Variants in ZNF532 observed in about 807,000 individuals in gnomAD.
ZNF532 encodes zinc finger protein 532.
A neutral mutation model predicts 89.3 loss-of-function variants in ZNF532; 22 were observed. That is an observed-to-expected ratio of 0.25 (90% CI 0.18 to 0.35). The LOEUF is 0.35. Ranked by LOEUF, ZNF532 falls within the 10% of genes least tolerant of loss-of-function variation. ZNF532 has a pLI of 1.00. For synonymous variants in ZNF532, 606 were observed against 649.6 expected, an observed-to-expected ratio of 0.93 and a Z score of 1.02; for missense variants, 1,132 against 1,643.4, an observed-to-expected ratio of 0.69 and a Z score of 5.38.
chr18:58,898,579 C>T (rs1329122990), intron 2 of ZNF532, among the ~76,000 whole-genome samples: 1 of 152,224 alleles, frequency 6.6e-6, no homozygotes. Context: ...TGAGCCAGGC[C>T]CCGGAGTCTG....
intron 2 of ZNF532, among the ~76,000 whole-genome samples, chr18:58,875,587 G>A (rs995463781): frequency 6.6e-6 from 1 of 152,128 alleles, no homozygotes; most frequent in Admixed American, 6.5e-5. Context: ...CAGCCACACT[G>A]GGTTGGTGTT....
intron 2 of ZNF532, among the ~76,000 whole-genome samples, chr18:58,914,450 G>A (rs927609840): frequency 1.2e-4 from 18 of 152,230 alleles, no homozygotes; most frequent in Non-Finnish European, 2.9e-5. Context: ...GGGAGGCCGC[G>A]GCGGGCGGAT....
At chr18:58,918,031 C>T (rs181566959) in intron 2 of ZNF532, among the ~76,000 whole-genome samples, 11 of 152,228 alleles carry the variant, frequency 7.2e-5, no homozygotes, top group South Asian at 4.1e-4. Context: ...CTGGGAGCCA[C>T]GCTGGTAACA....
At chr18:58,946,052 T>G (rs986579188) in intron 5 of ZNF532, among the ~76,000 whole-genome samples, 1 of 152,122 alleles carries the variant, frequency 6.6e-6, no homozygotes, top group African/African-American at 2.4e-5. Context: ...TTAAAACAAT[T>G]GTCCTATGCC....
At chr18:58,915,393 A>T (rs576205836) in intron 2 of ZNF532, among the ~76,000 whole-genome samples, 42 of 152,274 alleles carry the variant, frequency 2.8e-4, no homozygotes, top group Non-Finnish European at 3.2e-4. Flanking sequence ...GGACTCCCCC[A>T]CGTCCCCCAT....
chr18:58,906,861 T>G (rs2059964636), intron 2 of ZNF532, among the ~76,000 whole-genome samples: 2 of 152,230 alleles, frequency 1.3e-5, no homozygotes, highest in Admixed American at 1.3e-4. Flanking sequence ...ATTGATAGTG[T>G]TTTTGGACTG....
At chr18:58,887,296 A>G (rs915786292) in intron 2 of ZNF532, among the ~76,000 whole-genome samples, 7 of 152,198 alleles carry the variant, frequency 4.6e-5, no homozygotes, top group African/African-American at 1.7e-4. Flanking sequence ...TGCTAACCTG[A>G]GGGCAGTCTT....
intron 2 of ZNF532, among the ~76,000 whole-genome samples, chr18:58,872,635 G>A (rs1301670277): frequency 1.3e-5 from 2 of 151,830 alleles, no homozygotes; most frequent in African/African-American, 4.8e-5. Context: ...CTGGAACCCA[G>A]CACTATAGTC....
chr18:58,910,349 G>A (rs1317435198), intron 2 of ZNF532, among the ~76,000 whole-genome samples: 3 of 152,166 alleles, frequency 2.0e-5, no homozygotes, highest in African/African-American at 7.2e-5. Flanking sequence ...ACCCTTCAGT[G>A]TAGTCATGTT....
intron 2 of ZNF532, among the ~76,000 whole-genome samples, chr18:58,894,037 G>A (rs1186576916): frequency 2.0e-5 from 3 of 152,310 alleles, no homozygotes; most frequent in Admixed American, 6.5e-5. Flanking sequence ...AGATGTGTCT[G>A]GCATCATTTC....
At chr18:58,978,062 G>A (rs563220213) in intron 7 of ZNF532, among the ~76,000 whole-genome samples, 3 of 152,164 alleles carry the variant, frequency 2.0e-5, no homozygotes, top group Non-Finnish European at 2.9e-5. Flanking sequence ...TTTGTTTTAC[G>A]CCACTAATTT....
chr18:58,864,553 G>A (rs994444427), upstream of ZNF532: 5 of 150,268 alleles, frequency 3.3e-5, no homozygotes, highest in Admixed American at 2.0e-4. Context: ...GGAGAAGGAG[G>A]GGGAAACAGT....
At chr18:58,893,398 G>A (rs1415274028) in intron 2 of ZNF532, among the ~76,000 whole-genome samples, 4 of 152,050 alleles carry the variant, frequency 2.6e-5, no homozygotes, top group East Asian at 3.9e-4. Flanking sequence ...CTGGCGTGGC[G>A]GCTCACACCT....
intron 2 of ZNF532, among the ~76,000 whole-genome samples, chr18:58,895,879 C>G (rs922514763): frequency 2.0e-5 from 3 of 147,258 alleles, no homozygotes; most frequent in Non-Finnish European, 3.0e-5. Flanking sequence ...TTGAGATGGT[C>G]TCACTCTGTC....
intron 2 of ZNF532, among the ~76,000 whole-genome samples, chr18:58,883,864 T>TTGAAG (rs2058094889): frequency 6.6e-6 from 1 of 152,156 alleles, no homozygotes; most frequent in Non-Finnish European, 1.5e-5. Context: ...AGCCACTGAC[T>TTGAAG]TGAAGCCTTG....
At chr18:58,888,731 T>A (rs1280363388) in intron 2 of ZNF532, among the ~76,000 whole-genome samples, 1 of 49,970 alleles carries the variant, frequency 2.0e-5, no homozygotes, top group African/African-American at 1.1e-4. Context: ...ATATAAATTA[T>A]ATATATATAT....
At chr18:58,899,491 T>C (rs2059461975) in intron 2 of ZNF532, among the ~76,000 whole-genome samples, 1 of 152,084 alleles carries the variant, frequency 6.6e-6, no homozygotes, top group Admixed American at 6.6e-5. Flanking sequence ...TTTTTTGAGA[T>C]GGAGTCTTGC....
intron 3 of ZNF532, 40 bp downstream of exon 3, chr18:58,920,673 C>T (rs778872110): frequency 6.6e-7 from 1 of 1,522,890 alleles, no homozygotes; most frequent in Non-Finnish European, 8.8e-7. Context: ...AGTGATGAGT[C>T]TGTAGGCATG....
At chr18:58,951,646 GTTT>G (rs3039758) in intron 6 of ZNF532, among the ~76,000 whole-genome samples, 1 of 72,592 alleles carries the variant, frequency 1.4e-5, no homozygotes, top group Non-Finnish European at 2.4e-5. Flanking sequence ...TCGCCCTGTT[GTTT>G]TTTTTTTTTT....
Sources: gnomAD v4.1 joint callset for allele counts (sites outside exome capture counted in the v4.1 genomes callset) on GRCh38, gnomAD v4.1.1 for gene constraint, MANE v1.5 for transcripts, NCBI Gene and HGNC (gene_info 2026-07-23, HGNC 2026-07-21) for gene names.